Variants in MARCHF4 observed in about 807,000 individuals in gnomAD.
The protein encoded by MARCHF4 is membrane associated ring-CH-type finger 4, also known as E3 ubiquitin-protein ligase MARCHF4.
In MARCHF4, 14 loss-of-function variants were observed where a neutral mutation model predicts 43.9. The ratio of observed to expected loss-of-function variants is 0.32; its 90% CI spans 0.21 to 0.50. MARCHF4 has a LOEUF of 0.50. MARCHF4 is among the 20% of genes least tolerant of loss of function. The pLI, the probability that MARCHF4 is intolerant of heterozygous loss-of-function variation, is 0.98. For synonymous variants in MARCHF4, 226 were observed against 213.3 expected, an observed-to-expected ratio of 1.06 and a Z score of -0.52; for missense variants, 468 against 536.7, an observed-to-expected ratio of 0.87 and a Z score of 1.27.
intron 1 of MARCHF4, among the ~76,000 whole-genome samples, chr2:216,359,525 C>T (rs1427645676): frequency 6.6e-6 from 1 of 152,150 alleles, no homozygotes; most frequent in East Asian, 1.9e-4. Context: ...GAGGTTGCCT[C>T]AAGAGACAAC....
intron 2 of MARCHF4, among the ~76,000 whole-genome samples, chr2:216,278,305 G>A (rs1691062856): frequency 6.6e-6 from 1 of 152,126 alleles, no homozygotes; most frequent in South Asian, 2.1e-4. Flanking sequence ...CTCATTGCAA[G>A]CTCCACCTCC....
chr2:216,339,283 T>C (rs936096961), intron 1 of MARCHF4, among the ~76,000 whole-genome samples: 44 of 152,206 alleles, frequency 2.9e-4, no homozygotes, highest in African/African-American at 1.1e-3. Flanking sequence ...TAGTGTTCAA[T>C]GGCCATGCCC....
intron 1 of MARCHF4, among the ~76,000 whole-genome samples, chr2:216,354,908 TTTCTTTCTTTC>T (rs1416388814): frequency 4.0e-5 from 3 of 74,108 alleles, no homozygotes; most frequent in Non-Finnish European, 7.7e-5. Context: ...TCTTTCTTTC[TTTCTTTCTTTC>T]TTTCTTTCTT....
chr2:216,364,709 G>T (rs971481874), intron 1 of MARCHF4, among the ~76,000 whole-genome samples: 17 of 152,216 alleles, frequency 1.1e-4, no homozygotes, highest in African/African-American at 3.9e-4. Flanking sequence ...GGACAAGCCA[G>T]CAGGACTGTC....
intron 1 of MARCHF4, among the ~76,000 whole-genome samples, chr2:216,307,352 A>AG (rs1018775192): frequency 3.9e-5 from 6 of 152,004 alleles, no homozygotes; most frequent in African/African-American, 1.5e-4. Flanking sequence ...ACAAATTACA[A>AG]GGGGGGTGGG....
In MARCHF4 at chr2:216,277,793, G is replaced by A. The variant is rs371680029; in HGVS notation, c.744C>T (p.Leu248=). The A allele has an allele frequency of 2.4e-5, 39 of 1,614,188 alleles. No individual in the cohort carries two copies. In the African/African-American group the frequency reaches 4.3e-4, roughly 18 times the overall value. ...VAAAILGSLF[L]IASISWLIWS... ...AGATGAGCCAAGAAATACTGGCGAT[G>A]AGGAAGAGGGAGCCCAGGATGGCGG... The change falls in exon 3 of 4, where the codon CTC becomes CTT. Residue 248 remains leucine (L), a synonymous_variant. Coordinates refer to ENST00000273067, the MANE Select transcript of MARCHF4 (RefSeq NM_020814.3).
intron 2 of MARCHF4, among the ~76,000 whole-genome samples, chr2:216,282,271 A>G (rs893154268): frequency 6.6e-6 from 1 of 152,074 alleles, no homozygotes; most frequent in African/African-American, 2.4e-5. Flanking sequence ...CAACCCCAGC[A>G]CACTTGTGTG....
intron 3 of MARCHF4, among the ~76,000 whole-genome samples, chr2:216,262,669 C>T (rs1260007823): frequency 1.3e-5 from 2 of 151,880 alleles, no homozygotes; most frequent in African/African-American, 2.4e-5. Context: ...CTGGAGTGTG[C>T]TGGAGGAAAA....
chr2:216,368,116 G>A (rs1386077035), intron 1 of MARCHF4, among the ~76,000 whole-genome samples: 1 of 152,178 alleles, frequency 6.6e-6, no homozygotes, highest in Non-Finnish European at 1.5e-5. Context: ...ACTCTCAGAA[G>A]CCCCTGTGAC....
intron 1 of MARCHF4, among the ~76,000 whole-genome samples, chr2:216,308,465 C>A (rs1024386360): frequency 6.6e-6 from 1 of 152,212 alleles, no homozygotes; most frequent in African/African-American, 2.4e-5. Context: ...AGGCCTTACT[C>A]CCTAGAATCT....
intron 1 of MARCHF4, among the ~76,000 whole-genome samples, chr2:216,337,543 T>C (rs1010672478): frequency 6.6e-6 from 1 of 152,182 alleles, no homozygotes; most frequent in Non-Finnish European, 1.5e-5. Context: ...TTTTCTAAAA[T>C]TTCCACACTG....
rs1317241302 is a variant in MARCHF4, at chr2:216,370,476, C to CA, written c.-217dup. Reference sequence around the variant, plus strand: ...GAACTCCACCTGGAAAGCCCAATAACAAAAAAGTTTTTCTTGCCCTCACAC... The same window carrying CA: ...GAACTCCACCTGGAAAGCCCAATAACAAAAAAAGTTTTTCTTGCCCTCACAC... On this transcript the variant is annotated 5_prime_UTR_variant, in exon 1 of 4. Coordinates refer to ENST00000273067, the MANE Select transcript of MARCHF4 (RefSeq NM_020814.3). 9 of 461,256 alleles carry CA rather than the reference C, an allele frequency of 2.0e-5. No homozygotes were observed. The highest frequency in any genetic ancestry group is 4.0e-5 in the African/African-American group (2 of 50,290). The allele number at this position is 461,256 out of a possible 1,614,324, so 28.6% of individuals were successfully genotyped here. A position where few individuals can be genotyped will look rare whatever the true frequency, so the allele number is the denominator to read the frequency against.
At chr2:216,343,414 C>G (rs1310912320) in intron 1 of MARCHF4, among the ~76,000 whole-genome samples, 1 of 152,140 alleles carries the variant, frequency 6.6e-6, no homozygotes, top group Non-Finnish European at 1.5e-5. Context: ...GGACACTAAT[C>G]CCATCATGGA....
At chr2:216,285,375 C>T (rs1559089738) in intron 1 of MARCHF4, among the ~76,000 whole-genome samples, 1 of 152,230 alleles carries the variant, frequency 6.6e-6, no homozygotes, top group Non-Finnish European at 1.5e-5. Context: ...CCTCCAATAA[C>T]AACAGGCCCT....
Position 216,347,735 on chromosome 2 carries a change from A to G in MARCHF4, c.516+22010T>C, listed in dbSNP as rs1574484702. Among the ~76,000 whole-genome samples, 7 of 152,130 alleles carry G rather than the reference A, an allele frequency of 4.6e-5. No homozygotes were observed. In the South Asian group the frequency reaches 1.5e-3, roughly 32 times the overall value. ...GAGCAAGACTCCGTCTCAAAAAAAA[A>G]GGGGAAAAAAAAGAAAAAAGAAAAA... On this transcript the variant is annotated intron_variant, in intron 1 of 3. Transcript: ENST00000273067.
chr2:216,269,562 A>G (rs1359268880), intron 3 of MARCHF4, among the ~76,000 whole-genome samples: 1 of 152,166 alleles, frequency 6.6e-6, no homozygotes, highest in East Asian at 1.9e-4. Context: ...CTGTAGCTGC[A>G]TTCTGATTAT....
At chr2:216,318,266 G>A (rs1336401832) in intron 1 of MARCHF4, 1 of 152,332 alleles carries the variant, frequency 6.6e-6, no homozygotes, top group East Asian at 1.9e-4. Context: ...TAAGGGAAAG[G>A]GAGCCGAAGC....
At chr2:216,355,097 G>A (rs143236441) in intron 1 of MARCHF4, among the ~76,000 whole-genome samples, 1,540 of 151,714 alleles carry the variant, frequency 0.01, 36 homozygotes, top group African/African-American at 0.035. Context: ...TCAGACTCCC[G>A]AGTAGTTGGG....
At position 216,296,261 on chromosome 2, in the gene MARCHF4, G is replaced by A. The variant is rs575236160; in HGVS notation, c.517-12532C>T. Reference sequence around the variant, plus strand: ...CTTGGGAGGCTGAGGCAGGAGAATCGCTTGCACCCGGGAGGCAGAGGTTGC... The same window carrying A: ...CTTGGGAGGCTGAGGCAGGAGAATCACTTGCACCCGGGAGGCAGAGGTTGC... On this transcript the variant is annotated intron_variant, in intron 1 of 3. Transcript: ENST00000273067. 5.3e-5 allele frequency among the ~76,000 whole-genome samples: 8 copies of A among 152,280 alleles called. No homozygotes were observed. The South Asian group carries it at 1.0e-3, about 20-fold the overall frequency.
Sources: gnomAD v4.1 joint callset for allele counts (sites outside exome capture counted in the v4.1 genomes callset) on GRCh38, gnomAD v4.1.1 for gene constraint, MANE v1.5 for transcripts, NCBI Gene and HGNC (gene_info 2026-07-23, HGNC 2026-07-21) for gene names.